The following DPYSL2 variants were observed in gnomAD, a reference collection of about 807,000 sequenced individuals.
The protein encoded by DPYSL2 is dihydropyrimidinase like 2, also known as dihydropyrimidinase-related protein 2.
Under a neutral mutation model 69.9 loss-of-function variants are expected in DPYSL2, and 13 were observed. The observed-to-expected ratio is 0.19, with a 90% CI of 0.12 to 0.30. DPYSL2 has a LOEUF of 0.30. Among genes scored for constraint, DPYSL2 ranks in the 10% least tolerant of loss-of-function variants. The probability of loss-of-function intolerance (pLI) is 1.00; values close to 1 mark genes in which losing one functional copy is unlikely to be tolerated. For synonymous variants in DPYSL2, 326 were observed against 359.1 expected (o/e 0.91, Z 1.04); for missense variants, 587 against 918.9 (o/e 0.64, Z 4.67).
intron 1 of DPYSL2, among the ~76,000 whole-genome samples, chr8:26,553,394 G>A (rs756942635): frequency 6.6e-6 from 1 of 151,882 alleles, no homozygotes; most frequent in Non-Finnish European, 1.5e-5. Context: ...CCATCCTTAA[G>A]TAGGCCACAG....
chr8:26,602,138 A>AT (rs374443692), intron 3 of DPYSL2, among the ~76,000 whole-genome samples: 42,191 of 135,198 alleles, frequency 0.31, 6,821 homozygotes, highest in Non-Finnish European at 0.36. Context: ...AACAAAGGAA[A>AT]TTTTTTTTTT....
chr8:26,567,706 A>G (rs1186101240), intron 1 of DPYSL2, among the ~76,000 whole-genome samples: 1 of 152,238 alleles, frequency 6.6e-6, no homozygotes, highest in Non-Finnish European at 1.5e-5. Flanking sequence ...GGGCCTGGGC[A>G]TGCTGGGAGA....
At chr8:26,522,547 G>A (rs1808405676) in intron 1 of DPYSL2, among the ~76,000 whole-genome samples, 1 of 152,140 alleles carries the variant, frequency 6.6e-6, no homozygotes, top group Non-Finnish European at 1.5e-5. Context: ...CCATCACGTG[G>A]GTGGGAATTG....
chr8:26,606,581 A>C (rs1802112037), intron 3 of DPYSL2, among the ~76,000 whole-genome samples: 2 of 152,204 alleles, frequency 1.3e-5, no homozygotes, highest in South Asian at 4.1e-4. Flanking sequence ...GGTAAATGGT[A>C]TGAGCAAGGT....
At position 26,555,929 on chromosome 8, in the gene DPYSL2, A is replaced by G. The variant is rs1338929202; in HGVS notation, c.355-26040A>G. On this transcript the variant is annotated intron_variant, in intron 1 of 13. Transcript: ENST00000521913. ...GGTAGTTATATATATTAGCATATATACACATATACTATATATACATATACA... is the reference window on the plus strand; with the variant it reads ...GGTAGTTATATATATTAGCATATATGCACATATACTATATATACATATACA... Among the ~76,000 whole-genome samples the G allele has an allele frequency of 3.0e-5, 4 of 132,854 alleles. No homozygotes were observed. In the East Asian group the frequency reaches 6.1e-4, roughly 20 times the overall value. The allele number at this position is 132,854 out of a possible 152,430, so 87.2% of individuals were successfully genotyped here. A position where few individuals can be genotyped will look rare whatever the true frequency, so the allele number is the denominator to read the frequency against.
rs1365740874 is a variant in DPYSL2 at position 26,604,344 on chromosome 8, T to C, written c.629-19799T>C. On this transcript the variant is annotated intron_variant, in intron 3 of 13. Coordinates refer to ENST00000521913, the MANE Select transcript of DPYSL2 (RefSeq NM_001197293.3). ...AGTGAGGTGTGATTGGGTCCTGGAA[T>C]GTCATGCCAGGGAGCAGGTGAAAGC... is the stretch of plus-strand genomic sequence containing the variant. 3.9e-5 allele frequency among the ~76,000 whole-genome samples: 6 copies of C among 152,212 alleles called. No individual in the cohort carries two copies. The East Asian group carries it at 1.2e-3, about 29-fold the overall frequency.
Position 26,624,404 on chromosome 8 carries a change from C to T in DPYSL2, c.793+97C>T, listed in dbSNP as rs1802572232. On this transcript the variant is annotated intron_variant, in intron 4 of 13. Coordinates refer to ENST00000521913, the MANE Select transcript of DPYSL2 (RefSeq NM_001197293.3). The surrounding 1 kb of genome is among the most constrained non-coding windows in gnomAD (Gnocchi z 4.7). Reference sequence around the variant, plus strand: ...AGAAAGTGATAATGCTTCCAGATCCCATTTGTGCCTCATGCCCATGCCTGC... The same window carrying T: ...AGAAAGTGATAATGCTTCCAGATCCTATTTGTGCCTCATGCCCATGCCTGC... 1.4e-6 allele frequency: 2 copies of T among 1,461,400 alleles called. No homozygotes were observed. Among genetic ancestry groups the T allele is most frequent in the Admixed American group, 3.7e-5 (2 of 53,490 alleles). The allele number at this position is 1,461,400 out of a possible 1,614,324, so 90.5% of individuals were successfully genotyped here.
At chr8:26,523,171 T>A (rs112301077) in intron 1 of DPYSL2, among the ~76,000 whole-genome samples, 2 of 151,412 alleles carry the variant, frequency 1.3e-5, no homozygotes, top group African/African-American at 4.8e-5. Context: ...ATATATATAT[T>A]TTTAAATAAT....
chr8:26,519,435 C>G (rs1808349974), intron 1 of DPYSL2, among the ~76,000 whole-genome samples: 1 of 152,186 alleles, frequency 6.6e-6, no homozygotes, highest in Non-Finnish European at 1.5e-5. Flanking sequence ...CTGCAGTCCT[C>G]TATCAGTAAA....
chr8:26,628,365 T>C (rs1802666574), intron 7 of DPYSL2, among the ~76,000 whole-genome samples: 1 of 152,206 alleles, frequency 6.6e-6, no homozygotes, highest in African/African-American at 2.4e-5. Context: ...TTTTCCAAGG[T>C]AACCCTGCAC....
Position 26,624,420 on chromosome 8 carries a change from C to T in DPYSL2, c.793+113C>T. 1 of 1,335,598 alleles carries T rather than the reference C, an allele frequency of 7.5e-7. No individual in the cohort carries two copies. Among genetic ancestry groups the T allele is most frequent in the Non-Finnish European group, 1.0e-6 (1 of 968,778 alleles). 82.7% of individuals were successfully genotyped at this position (1,335,598 alleles called of 1,614,324 possible). A position where few individuals can be genotyped will look rare whatever the true frequency, so the allele number is the denominator to read the frequency against. ...TCCAGATCCCATTTGTGCCTCATGCCCATGCCTGCCCCTGGGAAGGAGAGA... is the reference window on the plus strand; with the variant it reads ...TCCAGATCCCATTTGTGCCTCATGCTCATGCCTGCCCCTGGGAAGGAGAGA... On this transcript the variant is annotated intron_variant, in intron 4 of 13. Transcript: ENST00000521913. The surrounding 1 kb of genome is among the most constrained non-coding windows in gnomAD (Gnocchi z 4.7).
chr8:26,606,257 G>A (rs1346465419), intron 3 of DPYSL2, among the ~76,000 whole-genome samples: 1 of 152,078 alleles, frequency 6.6e-6, no homozygotes, highest in Admixed American at 6.5e-5. Flanking sequence ...GAAAACCAAA[G>A]TAAACATCTT....
intron 1 of DPYSL2, chr8:26,577,131 GGA>G (rs879757368): frequency 4.5e-6 from 2 of 444,604 alleles, no homozygotes; most frequent in Non-Finnish European, 9.0e-6. Flanking sequence ...TTCCCGGCTC[GGA>G]GTTGGAAGGG....
intron 1 of DPYSL2, among the ~76,000 whole-genome samples, chr8:26,532,641 G>A (rs1355465492): frequency 6.6e-6 from 1 of 152,018 alleles, no homozygotes. Flanking sequence ...TTTTGTGACT[G>A]GCTTCTTTCT....
At chr8:26,523,168 T>A (rs965594368) in intron 1 of DPYSL2, among the ~76,000 whole-genome samples, 1 of 149,354 alleles carries the variant, frequency 6.7e-6, no homozygotes, top group Admixed American at 6.8e-5. Context: ...TATATATATA[T>A]ATTTTTAAAT....
intron 1 of DPYSL2, among the ~76,000 whole-genome samples, chr8:26,537,521 C>T (rs2117619105): frequency 6.6e-6 from 1 of 151,906 alleles, no homozygotes; most frequent in East Asian, 1.9e-4. Flanking sequence ...AGAAAAGTTA[C>T]AAAAATGATG....
intron 1 of DPYSL2, chr8:26,577,094 A>G (rs1801363418): frequency 2.3e-6 from 1 of 434,234 alleles, no homozygotes; most frequent in Admixed American, 2.4e-5. Context: ...GGTTTCCCAT[A>G]CCCCGCAGCC....
At chr8:26,527,658 C>T (rs1314204786) in intron 1 of DPYSL2, among the ~76,000 whole-genome samples, 1 of 151,800 alleles carries the variant, frequency 6.6e-6, no homozygotes, top group Non-Finnish European at 1.5e-5. Context: ...CAAATAAAGA[C>T]ATTAAAAAAT....
intron 7 of DPYSL2, among the ~76,000 whole-genome samples, chr8:26,634,428 C>CTTTTTTTTTTTTTTTTTTTTTT (rs55746168): frequency 4.4e-5 from 4 of 91,146 alleles, no homozygotes; most frequent in East Asian, 3.8e-4. Context: ...CCATGCCCAG[C>CTTTTTTTTTTTTTTTTTTTTTT]TTTTTTTTTT....
Sources: gnomAD v4.1 joint callset for allele counts (sites outside exome capture counted in the v4.1 genomes callset) on GRCh38, gnomAD v4.1.1 for gene constraint, Gnocchi (gnomAD v3.1) non-coding constraint, MANE v1.5 for transcripts, NCBI Gene and HGNC (gene_info 2026-07-23, HGNC 2026-07-21) for gene names.